LRMDA: variants seen among roughly 807,000 people sequenced by gnomAD.
LRMDA encodes leucine-rich melanocyte differentiation-associated protein.
A neutral mutation model predicts 29.8 loss-of-function variants in LRMDA; 18 were observed. The observed-to-expected ratio is 0.60, with a 90% confidence interval of 0.42 to 0.90. The LOEUF (loss-of-function observed/expected upper bound fraction) is 0.90, where lower values mean the gene tolerates loss of function less well. Ranked by LOEUF, LRMDA falls within the 40% of genes least tolerant of loss-of-function variation. The pLI, the probability that LRMDA is intolerant of heterozygous loss-of-function variation, is 0.00. For missense variants in LRMDA, 273 were observed against 273.9 expected (o/e 1.00, Z 0.02); for synonymous variants, 125 against 109.4 (o/e 1.14, Z -0.89).
chr10:75,436,744 C>G (rs372751530), intron 1 of LRMDA, among the ~76,000 whole-genome samples: 2 of 152,178 alleles, frequency 1.3e-5, no homozygotes, highest in Admixed American at 1.3e-4. Flanking sequence ...GCTGGGACTA[C>G]AGGCATGAGC....
chr10:75,515,934 T>A (rs1402146845), intron 2 of LRMDA, among the ~76,000 whole-genome samples: 1 of 152,188 alleles, frequency 6.6e-6, no homozygotes, highest in Non-Finnish European at 1.5e-5. Context: ...AGTTCCCACC[T>A]ATGAGTGAGA....
At chr10:76,117,232 G>T (rs978445915) in intron 5 of LRMDA, among the ~76,000 whole-genome samples, 2 of 152,168 alleles carry the variant, frequency 1.3e-5, no homozygotes, top group African/African-American at 4.8e-5. Context: ...AGGAAGAATG[G>T]AGATTGTATT....
intron 2 of LRMDA, among the ~76,000 whole-genome samples, chr10:75,646,971 T>C (rs966624771): frequency 7.9e-5 from 12 of 152,176 alleles, no homozygotes; most frequent in African/African-American, 2.9e-4. Context: ...GAGGGAAATA[T>C]GTTATGGCAG....
intron 5 of LRMDA, among the ~76,000 whole-genome samples, chr10:76,109,660 C>G (rs1849544038): frequency 6.6e-6 from 1 of 152,222 alleles, no homozygotes; most frequent in African/African-American, 2.4e-5. Flanking sequence ...TTCAGCGATT[C>G]AGTGCAGTGT....
intron 5 of LRMDA, chr10:76,242,351 T>G (rs1463613966): frequency 6.6e-6 from 1 of 152,188 alleles, no homozygotes; most frequent in Admixed American, 6.6e-5. Flanking sequence ...ACAACGTGGG[T>G]GGCTTAAGAA....
intron 5 of LRMDA, among the ~76,000 whole-genome samples, chr10:76,251,363 C>T (rs1010360405): frequency 1.7e-4 from 26 of 150,500 alleles, no homozygotes; most frequent in Non-Finnish European, 7.4e-5. Flanking sequence ...CGCCATTCTC[C>T]TGCCTCAGCC....
At chr10:75,675,159 T>C (rs10458659) in intron 2 of LRMDA, among the ~76,000 whole-genome samples, 18,703 of 152,140 alleles carry the variant, frequency 0.12, 2,765 homozygotes, top group African/African-American at 0.33. Context: ...ATACAGTCTA[T>C]TATTTATGGG....
chr10:75,661,324 A>G (rs1329038896), intron 2 of LRMDA, among the ~76,000 whole-genome samples: 1 of 152,108 alleles, frequency 6.6e-6, no homozygotes, highest in Non-Finnish European at 1.5e-5. Flanking sequence ...AGAAGATACT[A>G]TTTCTTGCCG....
chr10:76,296,374 C>T (rs1372464514), intron 5 of LRMDA, among the ~76,000 whole-genome samples: 4 of 152,186 alleles, frequency 2.6e-5, no homozygotes, highest in African/African-American at 9.6e-5. Context: ...GGCTTATTCA[C>T]GAGGTGGAGA....
chr10:76,408,024 G>A (rs773502613), intron 6 of LRMDA, among the ~76,000 whole-genome samples: 1 of 152,092 alleles, frequency 6.6e-6, no homozygotes, highest in Non-Finnish European at 1.5e-5. Context: ...AGCCAAGAAC[G>A]CAAGTTTCCC....
intron 2 of LRMDA, among the ~76,000 whole-genome samples, chr10:75,474,895 C>T (rs900411863): frequency 7.2e-5 from 11 of 152,312 alleles, no homozygotes; most frequent in Admixed American, 1.3e-4. Context: ...TTGTCCCTAA[C>T]ACTTGGCGCT....
chr10:76,124,761 G>T (rs928477569), intron 5 of LRMDA, among the ~76,000 whole-genome samples: 2 of 152,232 alleles, frequency 1.3e-5, no homozygotes, highest in African/African-American at 4.8e-5. Context: ...CTCTGAGAAG[G>T]ACTCGCTTTT....
intron 2 of LRMDA, among the ~76,000 whole-genome samples, chr10:76,030,657 C>T (rs1430669838): frequency 2.6e-5 from 4 of 152,158 alleles, no homozygotes; most frequent in Non-Finnish European, 4.4e-5. Context: ...GGCGTGGTGG[C>T]GGAAGCCTGT....
intron 6 of LRMDA, among the ~76,000 whole-genome samples, chr10:76,474,428 A>T (rs1842647129): frequency 6.6e-6 from 1 of 151,644 alleles, no homozygotes; most frequent in Admixed American, 6.6e-5. Context: ...CATCATCAGG[A>T]GTGTGAAAAG....
intron 2 of LRMDA, among the ~76,000 whole-genome samples, chr10:75,604,583 A>G (rs1026378605): frequency 2.0e-5 from 3 of 152,206 alleles, no homozygotes; most frequent in African/African-American, 7.2e-5. Flanking sequence ...GGTATTGAGT[A>G]TGTAAAAACT....
intron 5 of LRMDA, among the ~76,000 whole-genome samples, chr10:76,145,798 G>A (rs1850305043): frequency 6.6e-6 from 1 of 151,912 alleles, no homozygotes. Flanking sequence ...GTCACTTTTA[G>A]ATCTTTCCTG....
intron 2 of LRMDA, among the ~76,000 whole-genome samples, chr10:75,968,570 A>G (rs1846908459): frequency 6.6e-6 from 1 of 152,152 alleles, no homozygotes. Flanking sequence ...GATACTTTCT[A>G]AAAAACAGCA....
chr10:76,222,109 A>G (rs1172395062), intron 5 of LRMDA, among the ~76,000 whole-genome samples: 15 of 151,626 alleles, frequency 9.9e-5, no homozygotes, highest in Admixed American at 5.9e-4. Context: ...ACCTTATACA[A>G]AAATTAATTC....
chr10:76,541,338 T>C (rs1212114948), intron 6 of LRMDA, among the ~76,000 whole-genome samples: 1 of 152,090 alleles, frequency 6.6e-6, no homozygotes, highest in Non-Finnish European at 1.5e-5. Context: ...TCATCTCTAC[T>C]AAAAATACCA....
Sources: gnomAD v4.1 joint callset for allele counts (sites outside exome capture counted in the v4.1 genomes callset) on GRCh38, gnomAD v4.1.1 for gene constraint, MANE v1.5 for transcripts, NCBI Gene and HGNC (gene_info 2026-07-23, HGNC 2026-07-21) for gene names.